Variants in AMPD3 observed in about 807,000 individuals in gnomAD.
AMPD3 encodes the protein AMP deaminase 3.
A neutral mutation model predicts 82.3 loss-of-function variants in AMPD3; 57 were observed. The ratio of observed to expected loss-of-function variants is 0.69; its 90% CI spans 0.56 to 0.86. The LOEUF (loss-of-function observed/expected upper bound fraction) is 0.86. Among genes scored for constraint, AMPD3 ranks in the 40% least tolerant of loss-of-function variants. The pLI is 0.00. For synonymous variants in AMPD3, 381 were observed against 394.7 expected, an observed-to-expected ratio of 0.97 and a Z score of 0.41; for missense variants, 870 against 1,003.8, an observed-to-expected ratio of 0.87 and a Z score of 1.80.
intron 6 of AMPD3, 106 bp from the exon 7 acceptor site, chr11:10,493,243 G>A (rs370440329): frequency 3.3e-5 from 43 of 1,317,152 alleles, no homozygotes; most frequent in Middle Eastern, 4.9e-4. Context: ...CTGCCCGGAT[G>A]GCCCATGAGG....
At position 10,456,313 on chromosome 11, in the gene AMPD3, T is replaced by G; in HGVS notation, c.-6+865T>G. 1 of 1,609,408 alleles carries G rather than the reference T, an allele frequency of 6.2e-7. No homozygotes were observed. Among genetic ancestry groups the G allele is most frequent in the Non-Finnish European group, 8.5e-7 (1 of 1,176,846 alleles). On this transcript the variant is annotated intron_variant, in intron 1 of 14. Transcript: ENST00000396553. The surrounding 1 kb of genome is among the most constrained non-coding windows in gnomAD (Gnocchi z 4.3). ...CAGCCAGCTGCACGCACGCACTGAC[T>G]CAGCTGAGCCTCCTGGGTGGCAGGC...
At chr11:10,468,697 C>T (rs1848494449) in intron 2 of AMPD3, among the ~76,000 whole-genome samples, 1 of 152,206 alleles carries the variant, frequency 6.6e-6, no homozygotes, top group Non-Finnish European at 1.5e-5. Flanking sequence ...ACATTCTTCT[C>T]AGCACCTCAT....
Position 10,500,254 on chromosome 11 carries a change from G to A in AMPD3, c.1721+5G>A, listed in dbSNP as rs779333487. Reference sequence around the variant, plus strand: ...GGTGCTCAACAACCTCCGCAGGTGCGTGAGGCCTGCCCTCGCACATGCTTG... The same window carrying A: ...GGTGCTCAACAACCTCCGCAGGTGCATGAGGCCTGCCCTCGCACATGCTTG... On this transcript the variant is annotated splice_donor_5th_base_variant and intron_variant, in intron 11 of 14. Transcript: ENST00000396553. 7 of 1,614,170 alleles carry A rather than the reference G, an allele frequency of 4.3e-6. No individual in the cohort carries two copies. Among genetic ancestry groups the A allele is most frequent in the South Asian group, 1.1e-5 (1 of 91,086 alleles).
intron 2 of AMPD3, among the ~76,000 whole-genome samples, chr11:10,466,095 C>G (rs1363147667): frequency 6.6e-6 from 1 of 152,110 alleles, no homozygotes; most frequent in Non-Finnish European, 1.5e-5. Context: ...AACCTCATCT[C>G]TACTAAAAAT....
chr11:10,488,179 C>T (rs1355695214), intron 6 of AMPD3: 26 of 984,480 alleles, frequency 2.6e-5, no homozygotes, highest in African/African-American at 5.2e-5. Flanking sequence ...CTGCAGGGGC[C>T]GCAACTGCGG....
intron 2 of AMPD3, among the ~76,000 whole-genome samples, chr11:10,462,337 C>T (rs111780869): frequency 1.3e-5 from 2 of 152,180 alleles, no homozygotes; most frequent in African/African-American, 4.8e-5. Flanking sequence ...GAGAGAGAGG[C>T]GGCTCAGAGA....
intron 2 of AMPD3, among the ~76,000 whole-genome samples, chr11:10,471,497 A>G (rs188482807): frequency 2.4e-4 from 37 of 152,364 alleles, no homozygotes; most frequent in Admixed American, 2.1e-3. Flanking sequence ...AAAAGAAACT[A>G]CCATCAGAGT....
intron 2 of AMPD3, chr11:10,476,808 C>T (rs539466940): frequency 1.8e-6 from 1 of 571,020 alleles, no homozygotes; most frequent in African/African-American, 2.0e-5. Context: ...AGGTGGCATC[C>T]CTGGGGCAGG....
chr11:10,473,141 G>A (rs906779771), intron 2 of AMPD3, among the ~76,000 whole-genome samples: 1 of 152,110 alleles, frequency 6.6e-6, no homozygotes, highest in African/African-American at 2.4e-5. Context: ...ATGGTGGTGT[G>A]CGCCTATGGT....
chr11:10,450,964 C>T (rs1248869245), upstream of AMPD3: 11 of 1,521,562 alleles, frequency 7.2e-6, no homozygotes, highest in East Asian at 2.9e-4. Context: ...CCCCGCTCCG[C>T]TCTGCCCAGC....
chr11:10,478,485 G>A (rs1426945624), intron 2 of AMPD3, 41 bp from the exon 3 acceptor site: 2 of 1,611,526 alleles, frequency 1.2e-6, no homozygotes, highest in African/African-American at 2.7e-5. Flanking sequence ...ACCCCAATTA[G>A]CTTCTGATGT....
intron 1 of AMPD3, among the ~76,000 whole-genome samples, 184 bp downstream of exon 1, chr11:10,455,632 C>G (rs778678041): frequency 6.6e-6 from 1 of 152,160 alleles, no homozygotes; most frequent in Non-Finnish European, 1.5e-5. Context: ...TTCATCCTAG[C>G]CTGCCCCTGT....
At chr11:10,460,759 T>C (rs1848246055) in intron 1 of AMPD3, 1 of 387,240 alleles carries the variant, frequency 2.6e-6, no homozygotes, top group Non-Finnish European at 3.5e-6. Context: ...AGGAAAGAAA[T>C]AAGGAAATGA....
intron 1 of AMPD3, among the ~76,000 whole-genome samples, chr11:10,460,099 ATT>A (rs1461673030): frequency 3.4e-5 from 5 of 145,504 alleles, no homozygotes; most frequent in African/African-American, 1.3e-4. Context: ...ATATATATAT[ATT>A]TTATTTTTAA....
chr11:10,507,211 G>C lies in AMPD3; in HGVS notation c.*1327G>C, dbSNP rs1033898104. On this transcript the variant is annotated 3_prime_UTR_variant, in exon 15 of 15. Coordinates refer to ENST00000396553, the MANE Select transcript of AMPD3 (RefSeq NM_001025389.2). ...AAGGACCTTCCTATCTATTTCTGTGGTCAAATTCAGACTACAGGAGGTCTT... is the reference window on the plus strand; with the variant it reads ...AAGGACCTTCCTATCTATTTCTGTGCTCAAATTCAGACTACAGGAGGTCTT... 8 of 152,212 alleles carry C rather than the reference G, an allele frequency of 5.3e-5. No individual in the cohort carries two copies. Among genetic ancestry groups the C allele is most frequent in the Non-Finnish European group, 8.8e-5 (6 of 68,030 alleles). 9.4% of individuals were successfully genotyped at this position (152,212 alleles called of 1,614,324 possible).
At chr11:10,504,819 C>T (rs1431479548) in intron 14 of AMPD3, among the ~76,000 whole-genome samples, 160 bp downstream of exon 14, 1 of 152,188 alleles carries the variant, frequency 6.6e-6, no homozygotes, top group Non-Finnish European at 1.5e-5. Context: ...CCTGTGTTTT[C>T]ATGGCTGCTT....
intron 2 of AMPD3, among the ~76,000 whole-genome samples, chr11:10,468,133 C>G (rs923870696): frequency 6.6e-6 from 1 of 152,188 alleles, no homozygotes; most frequent in Non-Finnish European, 1.5e-5. Flanking sequence ...AACCAGCTAG[C>G]ATCATGATGA....
Position 10,501,558 on chromosome 11 carries a change from GACA to G in AMPD3, c.1814_1816del (p.Asn605del), listed in dbSNP as rs757353016. 2 of 1,614,122 alleles carry G rather than the reference GACA, an allele frequency of 1.2e-6. No homozygotes were observed. Among genetic ancestry groups the G allele is most frequent in the Admixed American group, 1.7e-5 (1 of 60,012 alleles). ...CCTGGTGTCTGCCTTCCTCACTGCT[GACA>G]ACATTTCCCACGGGCTGCTCCTCAA... On this transcript the variant is annotated inframe_deletion, in exon 12 of 15. Transcript: ENST00000396553.
At chr11:10,454,410 A>C (rs540267820), upstream of AMPD3, among the ~76,000 whole-genome samples, 3 of 152,296 alleles carry the variant, frequency 2.0e-5, no homozygotes, top group East Asian at 5.8e-4. Flanking sequence ...CAAAGCCGAT[A>C]CCACAAGATA....
Sources: allele counts gnomAD v4.1 joint callset (sites outside exome capture counted in the v4.1 genomes callset), GRCh38; gene constraint gnomAD v4.1.1; non-coding constraint Gnocchi (gnomAD v3.1); transcripts MANE v1.5; gene names NCBI Gene and HGNC (gene_info 2026-07-23, HGNC 2026-07-21).